The following EGLN1 variants were observed in gnomAD, a reference collection of about 807,000 sequenced individuals.
The protein encoded by EGLN1 is egl nine homolog 1.
A neutral mutation model predicts 38.3 loss-of-function variants in EGLN1; 17 were observed. That is an observed-to-expected ratio of 0.44 (90% CI 0.30 to 0.67). The LOEUF is 0.67. Ranked by LOEUF, EGLN1 falls within the 30% of genes least tolerant of loss-of-function variation. The pLI is 0.08. For missense variants in EGLN1, 477 were observed against 603.3 expected, an observed-to-expected ratio of 0.79 and a Z score of 2.19; for synonymous variants, 283 against 257.5, an observed-to-expected ratio of 1.10 and a Z score of -0.95.
chr1:231,409,074 TG>T (rs1189343355), intron 1 of EGLN1, among the ~76,000 whole-genome samples: 1 of 151,254 alleles, frequency 6.6e-6, no homozygotes, highest in East Asian at 2.0e-4. Context: ...AGAGTGTAAA[TG>T]GGAATGAGGA....
At chr1:231,380,750 A>G (rs1688063091) in intron 1 of EGLN1, among the ~76,000 whole-genome samples, 1 of 152,300 alleles carries the variant, frequency 6.6e-6, no homozygotes, top group South Asian at 2.1e-4. Context: ...GTAAGTTTTA[A>G]TCTTTGAAAA....
intron 1 of EGLN1, among the ~76,000 whole-genome samples, chr1:231,388,512 G>A (rs756810869): frequency 2.6e-5 from 4 of 151,998 alleles, no homozygotes; most frequent in African/African-American, 4.8e-5. Context: ...TCACTCTGTC[G>A]CCCAGGCTGG....
chr1:231,368,377 C>T (rs1355061324), intron 3 of EGLN1, among the ~76,000 whole-genome samples: 1 of 152,174 alleles, frequency 6.6e-6, no homozygotes, highest in Admixed American at 6.5e-5. Flanking sequence ...TGGATGTTTA[C>T]AATTATAACC....
chr1:231,391,957 G>C (rs888798057), intron 1 of EGLN1, among the ~76,000 whole-genome samples: 1 of 152,200 alleles, frequency 6.6e-6, no homozygotes, highest in Non-Finnish European at 1.5e-5. Flanking sequence ...TCTAGGACCA[G>C]AGTGGCTAAA....
intron 1 of EGLN1, among the ~76,000 whole-genome samples, chr1:231,415,851 CTTT>C (rs34510216): frequency 6.9e-6 from 1 of 145,438 alleles, no homozygotes. Flanking sequence ...CATTATCTTT[CTTT>C]TTTTTTTTTT....
intron 1 of EGLN1, among the ~76,000 whole-genome samples, chr1:231,405,396 C>T (rs1205385886): frequency 4.6e-5 from 7 of 152,056 alleles, no homozygotes; most frequent in Non-Finnish European, 1.5e-5. Context: ...CCAGGATGGT[C>T]TCGATCTCCT....
At chr1:231,393,207 G>A (rs530160258) in intron 1 of EGLN1, among the ~76,000 whole-genome samples, 6 of 152,308 alleles carry the variant, frequency 3.9e-5, no homozygotes, top group African/African-American at 1.2e-4. Context: ...TTGAGCCCTT[G>A]GTTCCAACTC....
At chr1:231,404,764 T>C (rs1688746779) in intron 1 of EGLN1, among the ~76,000 whole-genome samples, 1 of 152,146 alleles carries the variant, frequency 6.6e-6, no homozygotes. Flanking sequence ...ATTAAATTCA[T>C]GATTATAAAT....
At position 231,387,521 on chromosome 1, in the gene EGLN1, G is replaced by A. The variant is rs188490900; in HGVS notation, c.892-13422C>T. Among the ~76,000 whole-genome samples, 131 of 151,458 alleles carry A rather than the reference G, an allele frequency of 8.6e-4. 1 individual carries two copies. Among genetic ancestry groups the A allele is most frequent in the Middle Eastern group, 6.8e-3 (2 of 294 alleles). Reference sequence around the variant, plus strand: ...ACTACAGGTGCCTGCCACCACGTCCGGCTAATTTTTTGTATTTTTAGTAGA... The same window carrying A: ...ACTACAGGTGCCTGCCACCACGTCCAGCTAATTTTTTGTATTTTTAGTAGA... On this transcript the variant is annotated intron_variant, in intron 1 of 4. Coordinates refer to ENST00000366641, the MANE Select transcript of EGLN1 (RefSeq NM_022051.3).
intron 1 of EGLN1, among the ~76,000 whole-genome samples, chr1:231,394,784 C>A (rs555349433): frequency 6.6e-6 from 1 of 151,934 alleles, no homozygotes; most frequent in Non-Finnish European, 1.5e-5. Flanking sequence ...AACTTTTCAC[C>A]CCCAGATTTC....
chr1:231,390,366 A>G (rs950058690), intron 1 of EGLN1, among the ~76,000 whole-genome samples: 1 of 152,216 alleles, frequency 6.6e-6, no homozygotes, highest in African/African-American at 2.4e-5. Flanking sequence ...TCCTTCTTTC[A>G]TAAACTCTAA....
chr1:231,394,523 C>T (rs1330984127), intron 1 of EGLN1, among the ~76,000 whole-genome samples: 2 of 148,292 alleles, frequency 1.3e-5, no homozygotes, highest in Non-Finnish European at 1.5e-5. Context: ...GGACTACAGG[C>T]GCCCGCCACC....
At chr1:231,412,077 T>C (rs1688966676) in intron 1 of EGLN1, among the ~76,000 whole-genome samples, 1 of 135,008 alleles carries the variant, frequency 7.4e-6, no homozygotes, top group South Asian at 2.5e-4. Context: ...CTAATTTTAA[T>C]AGTACCAGTA....
intron 1 of EGLN1, among the ~76,000 whole-genome samples, chr1:231,401,878 T>C (rs1688672269): frequency 6.6e-6 from 1 of 152,172 alleles, no homozygotes; most frequent in African/African-American, 2.4e-5. Flanking sequence ...TTATGAGAAA[T>C]GGCTAACCCG....
At position 231,366,393 on chromosome 1, in the gene EGLN1, A is replaced by G. The variant is rs1687646412; in HGVS notation, c.*18T>C. 6.2e-7 allele frequency: 1 copy of G among 1,612,900 alleles called. No homozygotes were observed. The highest frequency in any genetic ancestry group is 8.5e-7 in the Non-Finnish European group (1 of 1,179,086). On this transcript the variant is annotated 3_prime_UTR_variant, in exon 5 of 5. Coordinates refer to ENST00000366641, the MANE Select transcript of EGLN1 (RefSeq NM_022051.3). Reference sequence around the variant, plus strand: ...AACAATATTGTAGGTGAAGTGGGGTATTGCTGGATCAAAGGCTCTAGAAGA... The same window carrying G: ...AACAATATTGTAGGTGAAGTGGGGTGTTGCTGGATCAAAGGCTCTAGAAGA...
intron 1 of EGLN1, 144 bp from the exon 2 acceptor site, chr1:231,374,243 C>CTA (rs1687900901): frequency 1.3e-6 from 1 of 754,712 alleles, no homozygotes; most frequent in African/African-American, 1.8e-5. Context: ...TAAGATAAGG[C>CTA]TATTCTACAT....
intron 1 of EGLN1, among the ~76,000 whole-genome samples, chr1:231,411,319 G>GT (rs895527974): frequency 2.0e-5 from 3 of 152,074 alleles, no homozygotes; most frequent in Non-Finnish European, 2.9e-5. Context: ...TGCCATAATT[G>GT]TAAGTTTCCT....
chr1:231,414,005 T>A (rs1279739625), intron 1 of EGLN1, among the ~76,000 whole-genome samples: 1 of 152,202 alleles, frequency 6.6e-6, no homozygotes, highest in Non-Finnish European at 1.5e-5. Flanking sequence ...GAGTTTTGAC[T>A]ACGAAATAAG....
intron 2 of EGLN1, among the ~76,000 whole-genome samples, chr1:231,373,329 CA>C (rs1452989411): frequency 1.3e-5 from 2 of 151,902 alleles, no homozygotes; most frequent in African/African-American, 4.8e-5. Flanking sequence ...AACAATTATC[CA>C]TAGATAATCT....
Sources: allele counts gnomAD v4.1 joint callset (sites outside exome capture counted in the v4.1 genomes callset), GRCh38; gene constraint gnomAD v4.1.1; transcripts MANE v1.5; gene names NCBI Gene and HGNC (gene_info 2026-07-23, HGNC 2026-07-21).